The following GPR158 variants were observed in gnomAD, a reference collection of about 807,000 sequenced individuals.
GPR158 encodes metabotropic glycine receptor.
In GPR158, 30 loss-of-function variants were observed where a neutral mutation model predicts 78.2. The ratio of observed to expected loss-of-function variants is 0.38; its 90% confidence interval spans 0.29 to 0.52. The LOEUF is 0.52. Among genes scored for constraint, GPR158 ranks in the 20% least tolerant of loss-of-function variants. The pLI is 0.83. For synonymous variants in GPR158, 581 were observed against 591.1 expected (o/e 0.98, Z 0.25); for missense variants, 1,463 against 1,523.5 (o/e 0.96, Z 0.66).
intron 2 of GPR158, among the ~76,000 whole-genome samples, chr10:25,395,526 A>C (rs1486288559): frequency 6.6e-6 from 1 of 152,062 alleles, no homozygotes; most frequent in Non-Finnish European, 1.5e-5. Flanking sequence ...CCACCTACCT[A>C]CCTTTGCTTT....
At chr10:25,270,527 C>T (rs1411903621) in intron 2 of GPR158, among the ~76,000 whole-genome samples, 1 of 152,040 alleles carries the variant, frequency 6.6e-6, no homozygotes, top group Admixed American at 6.6e-5. Context: ...TTTGGCTGTC[C>T]CAAAGGCACT....
intron 4 of GPR158, among the ~76,000 whole-genome samples, chr10:25,452,896 C>T (rs182405921): frequency 4.6e-5 from 7 of 152,298 alleles, no homozygotes; most frequent in African/African-American, 1.7e-4. Context: ...CCCCTGCCCT[C>T]TAGCCCCTGC....
intron 2 of GPR158, among the ~76,000 whole-genome samples, chr10:25,233,723 T>C (rs1460145030): frequency 3.9e-5 from 6 of 152,238 alleles, no homozygotes. Flanking sequence ...AGTATTTTCA[T>C]AGTAATTCAG....
intron 4 of GPR158, among the ~76,000 whole-genome samples, chr10:25,438,866 C>G (rs1283483038): frequency 6.6e-6 from 1 of 152,058 alleles, no homozygotes; most frequent in African/African-American, 2.4e-5. Flanking sequence ...CTATGGCTTG[C>G]TGCCATTTAG....
At chr10:25,505,305 AT>A (rs1195305185) in intron 5 of GPR158, among the ~76,000 whole-genome samples, 2 of 152,256 alleles carry the variant, frequency 1.3e-5, no homozygotes, top group African/African-American at 4.8e-5. Context: ...TGAGCACAGA[AT>A]TCTAAGACTG....
intron 2 of GPR158, among the ~76,000 whole-genome samples, chr10:25,264,110 G>A (rs192874005): frequency 2.8e-4 from 42 of 152,156 alleles, no homozygotes; most frequent in Admixed American, 9.8e-4. Context: ...TGTGGTAACT[G>A]GTTTCCAAAG....
chr10:25,345,174 G>A (rs556572739), intron 2 of GPR158, among the ~76,000 whole-genome samples: 2 of 151,964 alleles, frequency 1.3e-5, no homozygotes, highest in South Asian at 2.1e-4. Context: ...CATCTAATCC[G>A]TTCCCTCAAT....
chr10:25,382,363 C>T (rs1338586491), intron 2 of GPR158, among the ~76,000 whole-genome samples: 1 of 152,144 alleles, frequency 6.6e-6, no homozygotes, highest in East Asian at 1.9e-4. Flanking sequence ...TCCCTTAGCC[C>T]TGTTTTGTGA....
At chr10:25,570,211 CTT>C (rs1262251771) in intron 6 of GPR158, among the ~76,000 whole-genome samples, 1 of 152,190 alleles carries the variant, frequency 6.6e-6, no homozygotes, top group Non-Finnish European at 1.5e-5. Context: ...ATTCTTGAAT[CTT>C]TTAATCTGCT....
chr10:25,362,922 TG>T (rs1342348847), intron 2 of GPR158, among the ~76,000 whole-genome samples: 2 of 151,928 alleles, frequency 1.3e-5, no homozygotes, highest in Non-Finnish European at 2.9e-5. Flanking sequence ...AATTCTCTTT[TG>T]TTTACTGATT....
chr10:25,442,288 C>T (rs1451788390), intron 4 of GPR158, among the ~76,000 whole-genome samples: 3 of 152,038 alleles, frequency 2.0e-5, no homozygotes, highest in African/African-American at 7.3e-5. Flanking sequence ...TTAAACACAG[C>T]AACAAATAAA....
At chr10:25,280,662 T>A (rs913830828) in intron 2 of GPR158, among the ~76,000 whole-genome samples, 1 of 152,136 alleles carries the variant, frequency 6.6e-6, no homozygotes, top group Admixed American at 6.5e-5. Flanking sequence ...CTCAAAACAT[T>A]CATAAAAGTT....
intron 2 of GPR158, among the ~76,000 whole-genome samples, chr10:25,250,755 G>A (rs1385795270): frequency 1.4e-5 from 2 of 139,438 alleles, no homozygotes; most frequent in South Asian, 2.4e-4. Context: ...TTTTGGAATA[G>A]GTGTGGTGTG....
chr10:25,524,148 T>G (rs1836320176), intron 5 of GPR158, among the ~76,000 whole-genome samples: 1 of 152,156 alleles, frequency 6.6e-6, no homozygotes, highest in East Asian at 1.9e-4. Flanking sequence ...CAAAACATCA[T>G]TAAAAGGCGT....
At chr10:25,271,599 TG>T (rs1854119957) in intron 2 of GPR158, among the ~76,000 whole-genome samples, 1 of 152,200 alleles carries the variant, frequency 6.6e-6, no homozygotes, top group African/African-American at 2.4e-5. Context: ...GGGTTTAGAA[TG>T]TGGCAACAGA....
intron 7 of GPR158, among the ~76,000 whole-genome samples, chr10:25,579,602 T>C (rs1289333120): frequency 6.6e-6 from 1 of 152,186 alleles, no homozygotes; most frequent in Admixed American, 6.5e-5. Context: ...AGTGGGCAGA[T>C]TCTTACCTTA....
chr10:25,385,585 A>T (rs1168198148), intron 2 of GPR158, among the ~76,000 whole-genome samples: 1 of 152,150 alleles, frequency 6.6e-6, no homozygotes, highest in African/African-American at 2.4e-5. Flanking sequence ...TTTCACCAAC[A>T]GTGCACAAGG....
At chr10:25,458,078 A>G (rs1835313975) in intron 4 of GPR158, among the ~76,000 whole-genome samples, 1 of 152,214 alleles carries the variant, frequency 6.6e-6, no homozygotes, top group African/African-American at 2.4e-5. Flanking sequence ...TACTGTTTTA[A>G]ATAACATCAA....
chr10:25,331,267 A>G (rs1306929442), intron 2 of GPR158, among the ~76,000 whole-genome samples: 2 of 152,158 alleles, frequency 1.3e-5, no homozygotes, highest in East Asian at 3.9e-4. Context: ...TATTTTTAAG[A>G]CAATACTTTC....
Sources: allele counts gnomAD v4.1 joint callset (sites outside exome capture counted in the v4.1 genomes callset), GRCh38; gene constraint gnomAD v4.1.1; transcripts MANE v1.5; gene names NCBI Gene and HGNC (gene_info 2026-07-23, HGNC 2026-07-21).